The following IGF2BP3 variants were observed in gnomAD, a reference collection of about 807,000 sequenced individuals.
IGF2BP3 encodes insulin like growth factor 2 mRNA binding protein 3.
In IGF2BP3, 9 loss-of-function variants were observed where a neutral mutation model predicts 73.8. The ratio of observed to expected loss-of-function variants is 0.12; its 90% CI spans 0.07 to 0.21. The LOEUF (loss-of-function observed/expected upper bound fraction) is 0.21. Among genes scored for constraint, IGF2BP3 ranks in the 10% least tolerant of loss-of-function variants. IGF2BP3 has a pLI of 1.00. For synonymous variants in IGF2BP3, 258 were observed against 256.7 expected (o/e 1.01, Z -0.05); for missense variants, 542 against 714.0 (o/e 0.76, Z 2.75).
intron 10 of IGF2BP3, among the ~76,000 whole-genome samples, chr7:23,331,988 G>A (rs537489626): frequency 6.6e-6 from 1 of 152,008 alleles, no homozygotes; most frequent in Admixed American, 6.6e-5. Context: ...GCAGGAGGGA[G>A]AGAGAGAGAG....
chr7:23,315,529 G>A (rs534182546), intron 12 of IGF2BP3, among the ~76,000 whole-genome samples: 9 of 152,198 alleles, frequency 5.9e-5, no homozygotes, highest in South Asian at 2.1e-4. Context: ...CCTGAGAGTT[G>A]GTTTGACAAG....
At chr7:23,448,264 C>T (rs1788111433) in intron 2 of IGF2BP3, among the ~76,000 whole-genome samples, 1 of 152,308 alleles carries the variant, frequency 6.6e-6, no homozygotes, top group East Asian at 1.9e-4. Context: ...TTTCCTTAGG[C>T]ACGACCTGGT....
intron 3 of IGF2BP3, among the ~76,000 whole-genome samples, chr7:23,366,844 T>C (rs1436853233): frequency 2.0e-5 from 3 of 152,172 alleles, no homozygotes; most frequent in Non-Finnish European, 1.5e-5. Flanking sequence ...AACTGTACTA[T>C]AGTAATCCCA....
chr7:23,452,866 C>A (rs989681149), intron 2 of IGF2BP3, among the ~76,000 whole-genome samples: 1 of 150,792 alleles, frequency 6.6e-6, no homozygotes, highest in East Asian at 1.9e-4. Flanking sequence ...ATAATCCCAG[C>A]ACTTTGGGAG....
intron 5 of IGF2BP3, 22 bp from the exon 6 acceptor site, chr7:23,351,608 G>A: frequency 6.2e-7 from 1 of 1,613,156 alleles, no homozygotes; most frequent in Non-Finnish European, 8.5e-7. Context: ...AAAGGGGCAG[G>A]GGTGGGAAAA....
At chr7:23,335,073 T>TAAAAAAAAAAA (rs5882898) in intron 10 of IGF2BP3, among the ~76,000 whole-genome samples, 16 of 69,180 alleles carry the variant, frequency 2.3e-4, no homozygotes, top group African/African-American at 4.0e-4. Flanking sequence ...TCTTTAACAT[T>TAAAAAAAAAAA]AAAAAAAAAA....
intron 3 of IGF2BP3, among the ~76,000 whole-genome samples, chr7:23,388,219 G>C (rs1204204807): frequency 3.3e-5 from 5 of 152,160 alleles, no homozygotes; most frequent in African/African-American, 1.2e-4. Context: ...TTACAGGCTT[G>C]AGCCACTGTG....
At chr7:23,353,118 C>T (rs1785009069) in intron 5 of IGF2BP3, among the ~76,000 whole-genome samples, 1 of 152,178 alleles carries the variant, frequency 6.6e-6, no homozygotes, top group African/African-American at 2.4e-5. Context: ...CCCAGTGTCA[C>T]TCAGGTTCTT....
At chr7:23,333,288 T>C (rs1784487627) in intron 10 of IGF2BP3, among the ~76,000 whole-genome samples, 2 of 152,198 alleles carry the variant, frequency 1.3e-5, no homozygotes, top group South Asian at 4.1e-4. Context: ...CATTTACTTA[T>C]TAAAAAATGA....
chr7:23,335,962 T>C (rs1784563100), intron 10 of IGF2BP3, among the ~76,000 whole-genome samples: 1 of 152,220 alleles, frequency 6.6e-6, no homozygotes. Context: ...TTTTGTCTGT[T>C]GGAAGAACCA....
chr7:23,364,546 TCA>T (rs1731290058), intron 3 of IGF2BP3, among the ~76,000 whole-genome samples: 1 of 31,586 alleles, frequency 3.2e-5, no homozygotes, highest in African/African-American at 2.0e-4. Context: ...AGACTTTGTG[TCA>T]AAAAAAAAAA....
chr7:23,409,754 TAA>T (rs60466753), intron 3 of IGF2BP3, among the ~76,000 whole-genome samples: 4,686 of 152,268 alleles, frequency 0.031, 258 homozygotes, highest in African/African-American at 0.1. Context: ...ACCATAGGCT[TAA>T]GACAATAGGA....
At position 23,343,703 on chromosome 7, in the gene IGF2BP3, C is replaced by T. The variant is rs1784766241; in HGVS notation, c.1077+15G>A. ...TTTGTTAAAATAAAGACATGCCCTTCATAACAAAACTAACATTCATAGAAG... is the reference window on the plus strand; with the variant it reads ...TTTGTTAAAATAAAGACATGCCCTTTATAACAAAACTAACATTCATAGAAG... On this transcript the variant is annotated intron_variant, in intron 9 of 14. Transcript: ENST00000258729. The T allele has an allele frequency of 6.2e-7, 1 of 1,603,752 alleles. No homozygotes were observed. Among genetic ancestry groups the T allele is most frequent in the Non-Finnish European group, 8.5e-7 (1 of 1,173,684 alleles).
chr7:23,347,475 A>G, intron 7 of IGF2BP3, 125 bp downstream of exon 7: 1 of 954,834 alleles, frequency 1.0e-6, no homozygotes, highest in Non-Finnish European at 1.6e-6. Context: ...AGTGCCAACC[A>G]CTGTAGCTCA....
intron 10 of IGF2BP3, among the ~76,000 whole-genome samples, chr7:23,338,661 G>C (rs1258959667): frequency 6.6e-6 from 1 of 152,076 alleles, no homozygotes; most frequent in African/African-American, 2.4e-5. Flanking sequence ...CTACACATTG[G>C]AGTCATCTCG....
chr7:23,459,224 C>T (rs1788387903), intron 2 of IGF2BP3, among the ~76,000 whole-genome samples: 1 of 152,136 alleles, frequency 6.6e-6, no homozygotes, highest in Non-Finnish European at 1.5e-5. Flanking sequence ...ACATATCACC[C>T]AGTTTTTGAT....
intron 3 of IGF2BP3, among the ~76,000 whole-genome samples, chr7:23,386,667 G>T (rs1786092374): frequency 6.6e-6 from 1 of 152,188 alleles, no homozygotes; most frequent in Non-Finnish European, 1.5e-5. Flanking sequence ...CACCCTCAAG[G>T]AGATAGAGCG....
intron 2 of IGF2BP3, among the ~76,000 whole-genome samples, chr7:23,423,387 G>C (rs1185612267): frequency 6.6e-6 from 1 of 152,182 alleles, no homozygotes. Flanking sequence ...ATTTGGGTTT[G>C]ATTCTAAATA....
chr7:23,452,372 GA>G (rs1788221653), intron 2 of IGF2BP3, among the ~76,000 whole-genome samples: 1 of 152,114 alleles, frequency 6.6e-6, no homozygotes, highest in Non-Finnish European at 1.5e-5. Flanking sequence ...AAACAATATG[GA>G]AAAAACACAT....
Sources: allele counts gnomAD v4.1 joint callset (sites outside exome capture counted in the v4.1 genomes callset), GRCh38; gene constraint gnomAD v4.1.1; transcripts MANE v1.5; gene names NCBI Gene and HGNC (gene_info 2026-07-23, HGNC 2026-07-21).